The following TRIQK variants were observed in gnomAD, a reference collection of about 807,000 sequenced individuals.
TRIQK encodes triple QxxK/R motif-containing protein.
TRIQK carries 10 observed loss-of-function variants against 10.8 expected under a neutral mutation model. That is an observed-to-expected ratio of 0.92 (90% CI 0.57 to 1.57). The LOEUF (loss-of-function observed/expected upper bound fraction) is 1.57. Among genes scored for constraint, TRIQK ranks in the 40% most tolerant of loss-of-function variants. The pLI, the probability that TRIQK is intolerant of heterozygous loss-of-function variation, is 0.00. For synonymous variants in TRIQK, 33 were observed against 33.7 expected (o/e 0.98, Z 0.07); for missense variants, 107 against 97.7 (o/e 1.09, Z -0.40).
intron 2 of TRIQK, among the ~76,000 whole-genome samples, chr8:92,919,514 T>G (rs1810057236): frequency 2.0e-5 from 3 of 151,918 alleles, no homozygotes; most frequent in Admixed American, 1.3e-4. Flanking sequence ...GCATTATCTT[T>G]TGAACGTGTT....
intron 3 of TRIQK, among the ~76,000 whole-genome samples, chr8:92,904,525 T>A (rs1176809898): frequency 6.6e-6 from 1 of 152,144 alleles, no homozygotes; most frequent in Non-Finnish European, 1.5e-5. Flanking sequence ...ATTTTCTTAC[T>A]GTAGCAGAAT....
chr8:92,982,104 C>T (rs932413014), intron 1 of TRIQK, among the ~76,000 whole-genome samples: 1 of 151,298 alleles, frequency 6.6e-6, no homozygotes. Context: ...TTCTGTTTTT[C>T]CTTAGAAAAA....
chr8:92,995,137 T>C (rs1163187795), intron 1 of TRIQK, among the ~76,000 whole-genome samples: 1 of 152,074 alleles, frequency 6.6e-6, no homozygotes, highest in Non-Finnish European at 1.5e-5. Flanking sequence ...TTCTAGGTCC[T>C]TGCATATCCA....
intron 1 of TRIQK, among the ~76,000 whole-genome samples, chr8:93,003,743 G>A (rs925468735): frequency 2.6e-5 from 4 of 152,156 alleles, no homozygotes; most frequent in East Asian, 1.9e-4. Flanking sequence ...TACAATGAGC[G>A]TACAGGCATT....
chr8:92,998,745 C>T (rs1354703816), intron 1 of TRIQK, among the ~76,000 whole-genome samples: 1 of 151,932 alleles, frequency 6.6e-6, no homozygotes, highest in Non-Finnish European at 1.5e-5. Flanking sequence ...ATAAGGACTA[C>T]AAAAATGAAA....
chr8:92,886,513 A>T lies in TRIQK; in HGVS notation c.*109T>A, dbSNP rs766611399. On this transcript the variant is annotated 3_prime_UTR_variant, in exon 5 of 5. Coordinates refer to ENST00000521988, the MANE Select transcript of TRIQK (RefSeq NM_001171797.2). ...AAAAATCATATGTCTGCAAACTGAA[A>T]ATATTAGCAGAAAGAATTAAAGATG... The T allele has an allele frequency of 7.4e-5, 49 of 660,900 alleles. No homozygotes were observed. Among genetic ancestry groups the T allele is most frequent in the Non-Finnish European group, 1.2e-4 (47 of 401,246 alleles). 40.9% of individuals were successfully genotyped at this position (660,900 alleles called of 1,614,324 possible). A position where few individuals can be genotyped will look rare whatever the true frequency, so the allele number is the denominator to read the frequency against.
intron 1 of TRIQK, among the ~76,000 whole-genome samples, chr8:92,990,443 T>A (rs1262026912): frequency 1.3e-5 from 2 of 152,138 alleles, no homozygotes; most frequent in Non-Finnish European, 2.9e-5. Flanking sequence ...TTAAAGAAGA[T>A]CACGTAGTTG....
At chr8:93,007,956 G>A (rs1370923790) in intron 1 of TRIQK, among the ~76,000 whole-genome samples, 3 of 152,116 alleles carry the variant, frequency 2.0e-5, no homozygotes, top group Non-Finnish European at 4.4e-5. Flanking sequence ...AATACCATAC[G>A]GCCATAAAAA....
chr8:93,007,274 G>A (rs1473365120), intron 1 of TRIQK, among the ~76,000 whole-genome samples: 2 of 152,156 alleles, frequency 1.3e-5, no homozygotes, highest in African/African-American at 2.4e-5. Flanking sequence ...ATAGGCCTAC[G>A]GGCCCTATGG....
intron 1 of TRIQK, among the ~76,000 whole-genome samples, chr8:92,959,155 G>A (rs921948879): frequency 1.1e-4 from 17 of 151,208 alleles, no homozygotes; most frequent in East Asian, 5.8e-4. Flanking sequence ...TTTTTCAACC[G>A]TTTAAATATG....
chr8:92,957,146 A>G (rs548270957), intron 1 of TRIQK, among the ~76,000 whole-genome samples: 1 of 151,968 alleles, frequency 6.6e-6, no homozygotes, highest in East Asian at 1.9e-4. Flanking sequence ...TATGTATTAG[A>G]GTATGTTCAG....
intron 1 of TRIQK, chr8:92,964,006 G>GATCATA (rs1812595250): frequency 6.6e-6 from 1 of 152,132 alleles, no homozygotes; most frequent in Non-Finnish European, 1.5e-5. Context: ...AAGGGCATTT[G>GATCATA]GGATAAAACA....
intron 4 of TRIQK, among the ~76,000 whole-genome samples, chr8:92,889,522 A>G (rs1340993293): frequency 2.0e-5 from 3 of 151,660 alleles, no homozygotes; most frequent in Non-Finnish European, 4.4e-5. Flanking sequence ...AAGCCAATCT[A>G]AGAACATTTT....
intron 1 of TRIQK, among the ~76,000 whole-genome samples, chr8:92,990,979 G>A (rs969846277): frequency 6.6e-6 from 1 of 152,192 alleles, no homozygotes; most frequent in Non-Finnish European, 1.5e-5. Context: ...CCCTCATGGA[G>A]CCCAGCAAGC....
chr8:92,943,101 T>C (rs926046241), intron 2 of TRIQK, among the ~76,000 whole-genome samples: 1 of 150,752 alleles, frequency 6.6e-6, no homozygotes, highest in Non-Finnish European at 1.5e-5. Context: ...GGACACTTAG[T>C]AATAAATTTA....
At chr8:92,965,458 CTCGT>C (rs1812688001) in intron 1 of TRIQK, 1 of 152,178 alleles carries the variant, frequency 6.6e-6, no homozygotes, top group African/African-American at 2.4e-5. Context: ...TATGCAAATA[CTCGT>C]TCATTAATAA....
At chr8:92,913,118 G>A (rs1388004884) in intron 3 of TRIQK, among the ~76,000 whole-genome samples, 1 of 152,052 alleles carries the variant, frequency 6.6e-6, no homozygotes, top group Non-Finnish European at 1.5e-5. Flanking sequence ...ATGACCAAGT[G>A]GGATTTATCC....
chr8:92,921,346 C>A (rs2130490585), intron 2 of TRIQK: 1 of 151,784 alleles, frequency 6.6e-6, no homozygotes, highest in Non-Finnish European at 1.5e-5. Context: ...ATTAAAAAAA[C>A]TGTTGGCTAC....
chr8:92,974,575 C>G (rs2130739739), intron 1 of TRIQK: 1 of 152,284 alleles, frequency 6.6e-6, no homozygotes, highest in South Asian at 2.1e-4. Flanking sequence ...AGGAGGGGTT[C>G]TTAATTGACT....
Sources: gnomAD v4.1 joint callset for allele counts (sites outside exome capture counted in the v4.1 genomes callset) on GRCh38, gnomAD v4.1.1 for gene constraint, MANE v1.5 for transcripts, NCBI Gene and HGNC (gene_info 2026-07-23, HGNC 2026-07-21) for gene names.